Variants in FCHSD2 observed in about 807,000 individuals in gnomAD.
The protein encoded by FCHSD2 is F-BAR and double SH3 domains protein 2.
FCHSD2 carries 38 observed loss-of-function variants against 108.1 expected under a neutral mutation model. The ratio of observed to expected loss-of-function variants is 0.35; its 90% confidence interval spans 0.27 to 0.46. The LOEUF (loss-of-function observed/expected upper bound fraction) is 0.46, where lower values mean the gene tolerates loss of function less well. Ranked by LOEUF, FCHSD2 falls within the 20% of genes least tolerant of loss-of-function variation. The pLI is 1.00. For missense variants in FCHSD2, 751 were observed against 897.8 expected (o/e 0.84, Z 2.09); for synonymous variants, 279 against 314.7 (o/e 0.89, Z 1.20).
chr11:72,986,322 G>C (rs1857310864), intron 6 of FCHSD2, among the ~76,000 whole-genome samples: 1 of 152,102 alleles, frequency 6.6e-6, no homozygotes, highest in Non-Finnish European at 1.5e-5. Flanking sequence ...CCATTCTCCT[G>C]CCTCAGCCTC....
intron 8 of FCHSD2, among the ~76,000 whole-genome samples, chr11:72,932,492 C>G (rs923533003): frequency 2.0e-5 from 3 of 152,192 alleles, no homozygotes; most frequent in African/African-American, 7.2e-5. Context: ...ATTCTCCTTC[C>G]GTATTACACC....
rs144868987 is a variant in FCHSD2 at position 72,866,419 on chromosome 11, G to A, written c.1308+1446C>T. The stretch of plus-strand genomic sequence containing the variant: ...TGAGTAGCTGGGATTATGGGCGTCT[G>A]CCACCATGCCTGGCTAATTTTTGTA... On this transcript the variant is annotated intron_variant, in intron 13 of 19. Coordinates refer to ENST00000409418, the MANE Select transcript of FCHSD2 (RefSeq NM_014824.3). Among the ~76,000 whole-genome samples the A allele has an allele frequency of 8.5e-5, 13 of 152,208 alleles. No homozygotes were observed. The East Asian group carries it at 2.5e-3, about 29-fold the overall frequency.
intron 9 of FCHSD2, among the ~76,000 whole-genome samples, chr11:72,909,246 G>A (rs959898293): frequency 1.6e-4 from 24 of 151,964 alleles, no homozygotes; most frequent in African/African-American, 3.9e-4. Context: ...CCTGTTGACC[G>A]GGCTGGTCTC....
intron 3 of FCHSD2, among the ~76,000 whole-genome samples, chr11:73,045,801 G>A (rs1246527507): frequency 6.6e-6 from 1 of 151,910 alleles, no homozygotes; most frequent in Non-Finnish European, 1.5e-5. Flanking sequence ...ATAGCATTGG[G>A]AGATATACCT....
chr11:72,867,857 A>C lies in FCHSD2; in HGVS notation c.1308+8T>G, dbSNP rs746112798. 6.2e-7 allele frequency: 1 copy of C among 1,609,002 alleles called. No individual in the cohort carries two copies. Among genetic ancestry groups the C allele is most frequent in the Non-Finnish European group, 8.5e-7 (1 of 1,177,482 alleles). ...TCAACTTGTCATATCCAAGAAAAGAAATCGTACCGAGTGTAAAGTGCCATT... is the reference window on the plus strand; with the variant it reads ...TCAACTTGTCATATCCAAGAAAAGACATCGTACCGAGTGTAAAGTGCCATT... On this transcript the variant is annotated splice_region_variant and intron_variant, in intron 13 of 19. Coordinates refer to ENST00000409418, the MANE Select transcript of FCHSD2 (RefSeq NM_014824.3).
chr11:72,989,651 C>T (rs1356310229), intron 5 of FCHSD2, among the ~76,000 whole-genome samples: 1 of 152,138 alleles, frequency 6.6e-6, no homozygotes, highest in African/African-American at 2.4e-5. Flanking sequence ...TGCCCAACTC[C>T]GTGGATACAC....
intron 10 of FCHSD2, among the ~76,000 whole-genome samples, chr11:72,896,976 G>A (rs1198726435): frequency 1.1e-4 from 16 of 151,556 alleles, no homozygotes; most frequent in South Asian, 4.2e-4. Context: ...ACAGGTGCCC[G>A]CCACCACGCC....
intron 3 of FCHSD2, among the ~76,000 whole-genome samples, chr11:73,063,009 A>G (rs1277808353): frequency 3.3e-5 from 5 of 152,194 alleles, no homozygotes. Flanking sequence ...GGCTGAAATG[A>G]AGGAAAAAAT....
intron 12 of FCHSD2, among the ~76,000 whole-genome samples, chr11:72,886,382 T>C (rs928010956): frequency 3.9e-5 from 6 of 152,306 alleles, no homozygotes; most frequent in African/African-American, 1.2e-4. Flanking sequence ...AATCAAATAC[T>C]ATTCATCTGC....
At chr11:73,113,301 G>A (rs1200627359) in intron 2 of FCHSD2, among the ~76,000 whole-genome samples, 4 of 149,404 alleles carry the variant, frequency 2.7e-5, no homozygotes, top group Non-Finnish European at 5.9e-5. Flanking sequence ...GTTTCTCCAG[G>A]ACTGTTCCCT....
In FCHSD2 at chr11:73,021,316, A is replaced by G. The variant is rs534983873; in HGVS notation, c.166-5431T>C. 7.9e-4 allele frequency among the ~76,000 whole-genome samples: 121 copies of G among 152,248 alleles called. 1 individual carries two copies. Among genetic ancestry groups the G allele is most frequent in the African/African-American group, 2.9e-3 (120 of 41,560 alleles). Reference sequence around the variant, plus strand: ...AGACATGGAATCGACCTAAATGGCCATCAATGGTAAAGTGGATAAAGAAAA... The same window carrying G: ...AGACATGGAATCGACCTAAATGGCCGTCAATGGTAAAGTGGATAAAGAAAA... On this transcript the variant is annotated intron_variant, in intron 3 of 19. Transcript: ENST00000409418.
intron 2 of FCHSD2, among the ~76,000 whole-genome samples, chr11:73,123,386 T>C (rs1860778784): frequency 1.3e-5 from 2 of 152,184 alleles, no homozygotes; most frequent in African/African-American, 4.8e-5. Context: ...TAAACGGTGG[T>C]AACTCCTGGA....
chr11:73,080,296 CA>C (rs370633105), intron 3 of FCHSD2, among the ~76,000 whole-genome samples: 1,343 of 52,298 alleles, frequency 0.026, 16 homozygotes, highest in African/African-American at 0.067. Flanking sequence ...GACCCTGTCT[CA>C]AAAAAAAAAA....
intron 8 of FCHSD2, among the ~76,000 whole-genome samples, chr11:72,931,292 A>C (rs1856187028): frequency 7.3e-6 from 1 of 137,668 alleles, no homozygotes; most frequent in African/African-American, 2.7e-5. Flanking sequence ...TTTTTAGTAG[A>C]GATGAGGTTT....
chr11:72,855,244 G>C (rs971840445), intron 13 of FCHSD2, among the ~76,000 whole-genome samples: 5 of 151,958 alleles, frequency 3.3e-5, no homozygotes, highest in African/African-American at 1.2e-4. Context: ...TTGTACTCCA[G>C]CTTGCCTGGG....
chr11:73,034,613 C>T (rs746129435), intron 3 of FCHSD2, among the ~76,000 whole-genome samples: 1 of 152,164 alleles, frequency 6.6e-6, no homozygotes. Context: ...AATTTATACT[C>T]ATAGTAAAGA....
intron 3 of FCHSD2, among the ~76,000 whole-genome samples, chr11:73,078,520 T>C (rs1240986949): frequency 6.6e-6 from 1 of 151,920 alleles, no homozygotes; most frequent in South Asian, 2.1e-4. Flanking sequence ...TGCAACAACA[T>C]GCATGAAGCT....
In FCHSD2 at chr11:72,891,781, C is replaced by T. The variant is rs536343102; in HGVS notation, c.925-1836G>A. 1.1e-3 allele frequency among the ~76,000 whole-genome samples: 160 copies of T among 152,280 alleles called. 2 individuals carry two copies. The highest frequency in any genetic ancestry group is 3.1e-4 in the Non-Finnish European group (21 of 68,022). On this transcript the variant is annotated intron_variant, in intron 10 of 19. Coordinates refer to ENST00000409418, the MANE Select transcript of FCHSD2 (RefSeq NM_014824.3). ...ATGTTAATTATCTGAGTCGTAGCTACATCTGAAAACTAGTGAAAATGTCAC... is the reference window on the plus strand; with the variant it reads ...ATGTTAATTATCTGAGTCGTAGCTATATCTGAAAACTAGTGAAAATGTCAC...
chr11:73,035,694 GTTTT>G (rs201459401), intron 3 of FCHSD2, among the ~76,000 whole-genome samples: 43,912 of 126,000 alleles, frequency 0.35, 7,360 homozygotes, highest in South Asian at 0.48. Context: ...GAAATGTTCA[GTTTT>G]TATTTATTTA....
Sources: allele counts gnomAD v4.1 joint callset (sites outside exome capture counted in the v4.1 genomes callset), GRCh38; gene constraint gnomAD v4.1.1; transcripts MANE v1.5; gene names NCBI Gene and HGNC (gene_info 2026-07-23, HGNC 2026-07-21).